Variants in GRAMD4 observed in about 807,000 individuals in gnomAD.
GRAMD4 encodes the protein GRAM domain-containing protein 4.
A neutral mutation model predicts 83.9 loss-of-function variants in GRAMD4; 25 were observed. The observed-to-expected ratio is 0.30, with a 90% CI of 0.22 to 0.42. The LOEUF is 0.42. GRAMD4 is among the 10% of genes least tolerant of loss of function. GRAMD4 has a pLI of 1.00. For synonymous variants in GRAMD4, 336 were observed against 320.9 expected (o/e 1.05, Z -0.50); for missense variants, 593 against 788.7 (o/e 0.75, Z 2.97).
At chr22:46,603,422 G>A (rs2081332525) in intron 1 of GRAMD4, among the ~76,000 whole-genome samples, 1 of 150,378 alleles carries the variant, frequency 6.6e-6, no homozygotes, top group Non-Finnish European at 1.5e-5. Context: ...TGTTAACCAG[G>A]GTGGTCTCGA....
rs114241806 is a variant in GRAMD4, at chr22:46,639,031, A to G, written c.283+1071A>G. 5.2e-3 allele frequency among the ~76,000 whole-genome samples: 792 copies of G among 152,320 alleles called. 3 individuals are homozygous for G. Among genetic ancestry groups the G allele is most frequent in the African/African-American group, 0.018 (738 of 41,562 alleles). ...ACACAGCCTTGTGGATTCACCTGGC[A>G]ACAGGCCAGAGCGTGATAGTGAGCC... On this transcript the variant is annotated intron_variant, in intron 3 of 18. Coordinates refer to ENST00000406902, the MANE Select transcript of GRAMD4 (RefSeq NM_015124.5).
chr22:46,643,438 T>G (rs934472980), intron 3 of GRAMD4, among the ~76,000 whole-genome samples: 5 of 152,228 alleles, frequency 3.3e-5, no homozygotes, highest in African/African-American at 1.2e-4. Context: ...CTAAATACTT[T>G]TGTAGTATTT....
In GRAMD4 at chr22:46,678,875, C is replaced by A; in HGVS notation, c.*1624C>A. The A allele has an allele frequency of 1.0e-6, 1 of 985,970 alleles. No individual in the cohort carries two copies. The highest frequency in any genetic ancestry group is 1.2e-6 in the Non-Finnish European group (1 of 829,992). 61.1% of individuals were successfully genotyped at this position (985,970 alleles called of 1,614,324 possible). ...TCACCAGATTAAGCACATGTCCTAT[C>A]CCAGGCGGTGGAGCGGAGCCCCCGT... On this transcript the variant is annotated 3_prime_UTR_variant, in exon 19 of 19. Transcript: ENST00000406902.
chr22:46,604,896 C>G (rs6008929), intron 1 of GRAMD4, among the ~76,000 whole-genome samples: 1 of 115,832 alleles, frequency 8.6e-6, no homozygotes, highest in Non-Finnish European at 1.8e-5. Flanking sequence ...CCATAATGTT[C>G]TCCGGGTTCA....
At position 46,678,083 on chromosome 22, in the gene GRAMD4, C is replaced by T. The variant is rs1162948755; in HGVS notation, c.*832C>T. 1 of 985,470 alleles carries T rather than the reference C, an allele frequency of 1.0e-6. No homozygotes were observed. The highest frequency in any genetic ancestry group is 1.2e-6 in the Non-Finnish European group (1 of 830,038). The allele number at this position is 985,470 out of a possible 1,614,324, so 61.0% of individuals were successfully genotyped here. On this transcript the variant is annotated 3_prime_UTR_variant, in exon 19 of 19. Coordinates refer to ENST00000406902, the MANE Select transcript of GRAMD4 (RefSeq NM_015124.5). ...AAGCACATCTTTCTCACACTTTGCT[C>T]TTTGGAAGGCCCAGGAGAACATCCG...
intron 1 of GRAMD4, among the ~76,000 whole-genome samples, chr22:46,598,568 T>G (rs2081283562): frequency 1.3e-5 from 2 of 151,952 alleles, no homozygotes; most frequent in African/African-American, 4.8e-5. Context: ...TGTGATTTGC[T>G]GACTGCCGGC....
rs575486059 is a variant in GRAMD4 at position 46,593,983 on chromosome 22, C to T, written c.-50+16693C>T. ...CAGGTGATCTGCCCGCCTCGGCCTC[C>T]CAAAGTGCTAGGATTATAGGCGTGA... On this transcript the variant is annotated intron_variant, in intron 1 of 1. Coordinates refer to the GRAMD4 transcript ENST00000431155. Among the ~76,000 whole-genome samples the T allele has an allele frequency of 6.6e-4, 101 of 152,032 alleles. 1 individual carries two copies. The highest frequency in any genetic ancestry group is 2.3e-3 in the African/African-American group (94 of 41,458).
At chr22:46,580,444 A>C (rs2081086136) in intron 1 of GRAMD4, among the ~76,000 whole-genome samples, 1 of 152,198 alleles carries the variant, frequency 6.6e-6, no homozygotes, top group Non-Finnish European at 1.5e-5. Flanking sequence ...GTAAAAGTTC[A>C]AGTCTTCCAC....
chr22:46,668,996 G>T, intron 13 of GRAMD4, 88 bp downstream of exon 13: 1 of 749,702 alleles, frequency 1.3e-6, no homozygotes, highest in Non-Finnish European at 2.3e-6. Flanking sequence ...GTCTGCAAGA[G>T]CTGTTAAACT....
At chr22:46,649,014 T>C (rs1601632418) in intron 3 of GRAMD4, among the ~76,000 whole-genome samples, 1 of 152,040 alleles carries the variant, frequency 6.6e-6, no homozygotes, top group Admixed American at 6.5e-5. Context: ...ATAGGCTGTT[T>C]CCTCCACCAG....
chr22:46,666,290 T>C (rs1404697726), intron 9 of GRAMD4, among the ~76,000 whole-genome samples: 1 of 152,198 alleles, frequency 6.6e-6, no homozygotes, highest in Non-Finnish European at 1.5e-5. Context: ...CCTGGGTCCT[T>C]CTTAGCCTGC....
chr22:46,612,134 G>T (rs1428962718), intron 1 of GRAMD4, among the ~76,000 whole-genome samples: 2 of 150,632 alleles, frequency 1.3e-5, no homozygotes, highest in African/African-American at 2.4e-5. Context: ...CTTCTGAGAA[G>T]CTGGGACTAC....
intron 1 of GRAMD4, among the ~76,000 whole-genome samples, chr22:46,596,549 T>G (rs2081263789): frequency 1.3e-5 from 2 of 152,198 alleles, no homozygotes; most frequent in Non-Finnish European, 2.9e-5. Context: ...CCTTTTTTAT[T>G]TTTTTCTGAG....
chr22:46,664,620 C>T (rs2082380464), intron 8 of GRAMD4, among the ~76,000 whole-genome samples: 1 of 152,232 alleles, frequency 6.6e-6, no homozygotes, highest in African/African-American at 2.4e-5. Context: ...TGGAACTGCC[C>T]TGCAGCGGCT....
rs550919541 is a variant in GRAMD4 at position 46,657,760 on chromosome 22, C to T, written c.284-427C>T. Among the ~76,000 whole-genome samples, 21 of 152,336 alleles carry T rather than the reference C, an allele frequency of 1.4e-4. No homozygotes were observed. In the South Asian group the frequency reaches 2.9e-3, roughly 21 times the overall value. ...CAGGGCCTTTGCTCTGCTGCCGACG[C>T]GTCCCAGAACCTCACCCAGCACATG... On this transcript the variant is annotated intron_variant, in intron 3 of 18. Coordinates refer to ENST00000406902, the MANE Select transcript of GRAMD4 (RefSeq NM_015124.5).
chr22:46,672,356 C>T lies in GRAMD4; in HGVS notation c.1085-487C>T, dbSNP rs1360806589. Among the ~76,000 whole-genome samples, 4 of 148,944 alleles carry T rather than the reference C, an allele frequency of 2.7e-5. No homozygotes were observed. In the South Asian group the frequency reaches 6.3e-4, roughly 24 times the overall value. Reference sequence around the variant, plus strand: ...CAGCTGGTCATGGGCGGCCTCTCAGCAGGGATGGGCTGGGCGTGGGGGGGC... The same window carrying T: ...CAGCTGGTCATGGGCGGCCTCTCAGTAGGGATGGGCTGGGCGTGGGGGGGC... On this transcript the variant is annotated intron_variant, in intron 13 of 18. Coordinates refer to ENST00000406902, the MANE Select transcript of GRAMD4 (RefSeq NM_015124.5). The surrounding 1 kb of genome is among the most constrained non-coding windows in gnomAD (Gnocchi z 4.7).
chr22:46,579,913 G>A (rs6007940), intron 1 of GRAMD4, among the ~76,000 whole-genome samples: 2,632 of 152,196 alleles, frequency 0.017, 91 homozygotes, highest in African/African-American at 0.06. Flanking sequence ...GGGGACTTGG[G>A]TATTTACAGA....
At chr22:46,667,602 G>A (rs1025982533) in intron 10 of GRAMD4, among the ~76,000 whole-genome samples, 1 of 152,242 alleles carries the variant, frequency 6.6e-6, no homozygotes, top group Non-Finnish European at 1.5e-5. Context: ...GGAGGCCTCG[G>A]TGCCTCCACG....
chr22:46,652,866 T>C (rs1281068731), intron 3 of GRAMD4, among the ~76,000 whole-genome samples: 1 of 152,142 alleles, frequency 6.6e-6, no homozygotes, highest in African/African-American at 2.4e-5. Flanking sequence ...TGATGGGGGA[T>C]TTGCATCTCC....
Sources: allele counts gnomAD v4.1 joint callset (sites outside exome capture counted in the v4.1 genomes callset), GRCh38; gene constraint gnomAD v4.1.1; non-coding constraint Gnocchi (gnomAD v3.1); transcripts MANE v1.5; gene names NCBI Gene and HGNC (gene_info 2026-07-23, HGNC 2026-07-21).